The following CENPC variants were observed in gnomAD, a reference collection of about 807,000 sequenced individuals.
CENPC encodes centromere protein C.
Under a neutral mutation model 112.1 loss-of-function variants are expected in CENPC, and 63 were observed. The observed-to-expected ratio is 0.56, with a 90% CI of 0.46 to 0.69. CENPC has a LOEUF of 0.69. CENPC is among the 30% of genes least tolerant of loss of function. CENPC has a pLI of 0.00. For synonymous variants in CENPC, 333 were observed against 367.6 expected, an observed-to-expected ratio of 0.91 and a Z score of 1.08; for missense variants, 1,000 against 1,103.8, an observed-to-expected ratio of 0.91 and a Z score of 1.33.
Position 67,508,908 on chromosome 4 carries a change from C to A in CENPC, c.1810G>T (p.Val604Phe). 6.2e-7 allele frequency: 1 copy of A among 1,613,644 alleles called. No individual in the cohort carries two copies. Among genetic ancestry groups the A allele is most frequent in the Non-Finnish European group, 8.5e-7 (1 of 1,179,712 alleles). The part of the protein sequence containing the change: ...FLNAEGSGGI[V>F]GHDEISRCSL... ...CATCTGGAAATTTCATCATGACCAA[C>A]GATACCTCCAGAACCTTCAGCATTT... Residue 604 changes from valine (V) to phenylalanine (F), a missense_variant, in exon 10 of 19, where the codon GTT becomes TTT. Transcript: ENST00000273853.
At position 67,519,335 on chromosome 4, in the gene CENPC, T is replaced by A; in HGVS notation, c.499A>T (p.Thr167Ser). The A allele has an allele frequency of 6.2e-7, 1 of 1,612,858 alleles. No individual in the cohort carries two copies. The highest frequency in any genetic ancestry group is 1.3e-5 in the African/African-American group (1 of 75,022). The change falls in exon 6 of 19, where the codon ACA (threonine) becomes TCA (serine). Residue 167 changes from threonine to serine, a missense_variant. Physicochemically the swap from Thr to Ser is moderately conservative, Grantham distance 58 (BLOSUM62 1). Coordinates refer to ENST00000273853, the MANE Select transcript of CENPC (RefSeq NM_001812.4). ...GGAATAACATTTTGTGATACAGATG[T>A]TTTTGCATCCAAAAGAACAGAAGGT... ...GSPSVLLDAKTSVSQNVIPSS... is the reference protein window; with the variant it reads ...GSPSVLLDAKSSVSQNVIPSS...
At chr4:67,522,142 G>A (rs189852144) in intron 5 of CENPC, among the ~76,000 whole-genome samples, 8 of 152,254 alleles carry the variant, frequency 5.3e-5, no homozygotes, top group South Asian at 2.1e-4. Context: ...AGGAAGTGAC[G>A]TGTGTATATA....
intron 12 of CENPC, among the ~76,000 whole-genome samples, chr4:67,502,476 C>A (rs1436068921): frequency 6.6e-6 from 1 of 152,088 alleles, no homozygotes; most frequent in Non-Finnish European, 1.5e-5. Flanking sequence ...AAGTAAAAAG[C>A]ATTTAACACA....
chr4:67,526,154 C>A (rs1726369821), intron 5 of CENPC, among the ~76,000 whole-genome samples: 1 of 151,730 alleles, frequency 6.6e-6, no homozygotes, highest in South Asian at 2.1e-4. Flanking sequence ...CATCACACAC[C>A]AGGGCCTGTG....
chr4:67,518,404 C>T (rs777356338), intron 6 of CENPC, 36 bp from the exon 7 acceptor site: 59 of 1,471,462 alleles, frequency 4.0e-5, no homozygotes, highest in East Asian at 3.8e-4. Context: ...TGAATGCTCC[C>T]GTAACGTTTC....
intron 3 of CENPC, 59 bp from the exon 4 acceptor site, chr4:67,539,993 A>G: frequency 1.2e-6 from 1 of 845,670 alleles, no homozygotes; most frequent in Non-Finnish European, 1.8e-6. Flanking sequence ...TATTAGTCAC[A>G]ATTAAAAGTA....
chr4:67,493,276 AAAAGG>A, intron 14 of CENPC: 1 of 199,968 alleles, frequency 5.0e-6, no homozygotes. Context: ...AAAAAAAAAA[AAAAGG>A]AGGGGGCTAG....
intron 9 of CENPC, among the ~76,000 whole-genome samples, 196 bp from the exon 10 acceptor site, chr4:67,509,301 A>T (rs1725831256): frequency 6.6e-6 from 1 of 151,568 alleles, no homozygotes; most frequent in Admixed American, 6.6e-5. Context: ...TAAACAATGT[A>T]GCTCTTCAGT....
intron 8 of CENPC, among the ~76,000 whole-genome samples, chr4:67,513,589 G>A (rs1725960144): frequency 6.6e-6 from 1 of 151,984 alleles, no homozygotes; most frequent in South Asian, 2.1e-4. Flanking sequence ...TTATTCTACA[G>A]AACCCACCAG....
chr4:67,492,966 T>G lies in CENPC; in HGVS notation c.2322A>C (p.Pro774=). The stretch of plus-strand genomic sequence containing the variant: ...CCTTCCTTTTAGACGATATTGTGTC[T>G]GGAGATAGTACTCCACTAATCACGA... ...GGFVISGVLS[P]DTISSKRKAK... The change falls in exon 15 of 19, where the codon CCA becomes CCC. Residue 774 remains proline, a synonymous_variant. Transcript: ENST00000273853. 2 of 1,547,328 alleles carry G rather than the reference T, an allele frequency of 1.3e-6. No individual in the cohort carries two copies. Among genetic ancestry groups the G allele is most frequent in the Non-Finnish European group, 1.7e-6 (2 of 1,146,730 alleles).
chr4:67,531,732 C>T (rs1726555955), intron 4 of CENPC, among the ~76,000 whole-genome samples: 1 of 152,144 alleles, frequency 6.6e-6, no homozygotes, highest in Non-Finnish European at 1.5e-5. Context: ...TCTATATGGC[C>T]CCTTGAGGAA....
chr4:67,543,469 T>C (rs535995602), intron 2 of CENPC, among the ~76,000 whole-genome samples: 6 of 152,342 alleles, frequency 3.9e-5, no homozygotes, highest in South Asian at 2.1e-4. Flanking sequence ...TGCCTAATTA[T>C]ATATAGGCCT....
intron 12 of CENPC, among the ~76,000 whole-genome samples, chr4:67,499,190 G>A (rs1166840339): frequency 6.6e-6 from 1 of 152,176 alleles, no homozygotes; most frequent in African/African-American, 2.4e-5. Context: ...AATGGTAAAT[G>A]AGCACTAGCT....
intron 5 of CENPC, among the ~76,000 whole-genome samples, chr4:67,522,116 CTTT>C (rs1726245744): frequency 6.6e-6 from 1 of 152,106 alleles, no homozygotes; most frequent in African/African-American, 2.4e-5. Flanking sequence ...AAATACACTT[CTTT>C]AAAAAAGAGC....
chr4:67,529,090 A>G (rs963409995), intron 5 of CENPC, among the ~76,000 whole-genome samples: 3 of 152,134 alleles, frequency 2.0e-5, no homozygotes, highest in East Asian at 1.9e-4. Context: ...ATCCTTTCAT[A>G]TATTTATTGG....
At chr4:67,472,896 G>A (rs971261217) in intron 18 of CENPC, among the ~76,000 whole-genome samples, 3 of 152,190 alleles carry the variant, frequency 2.0e-5, no homozygotes, top group South Asian at 2.1e-4. Flanking sequence ...ATTTCACATC[G>A]TTATGAAAAT....
chr4:67,475,144 G>A (rs895926419), intron 17 of CENPC, among the ~76,000 whole-genome samples, 166 bp from the exon 18 acceptor site: 1 of 152,174 alleles, frequency 6.6e-6, no homozygotes, highest in Non-Finnish European at 1.5e-5. Context: ...ACCTTGAGAT[G>A]GGGAGATTAT....
At chr4:67,507,562 G>T (rs983974163) in intron 10 of CENPC, among the ~76,000 whole-genome samples, 4 of 152,238 alleles carry the variant, frequency 2.6e-5, no homozygotes, top group Middle Eastern at 3.4e-3. Context: ...TATCAAAATT[G>T]ATTCAAGAGG....
At chr4:67,502,442 T>G (rs1725617763) in intron 12 of CENPC, among the ~76,000 whole-genome samples, 1 of 152,080 alleles carries the variant, frequency 6.6e-6, no homozygotes, top group African/African-American at 2.4e-5. Flanking sequence ...GTCACAATAC[T>G]AATATTAGAC....
Sources: gnomAD v4.1 joint callset for allele counts (sites outside exome capture counted in the v4.1 genomes callset) on GRCh38, gnomAD v4.1.1 for gene constraint, MANE v1.5 for transcripts, NCBI Gene and HGNC (gene_info 2026-07-23, HGNC 2026-07-21) for gene names.